The following TNS1 variants were observed in gnomAD, a reference collection of about 807,000 sequenced individuals.
TNS1 encodes tensin 1, also known as tensin-1.
TNS1 carries 62 observed loss-of-function variants against 168.6 expected under a neutral mutation model. The ratio of observed to expected loss-of-function variants is 0.37; its 90% CI spans 0.30 to 0.45. The LOEUF (loss-of-function observed/expected upper bound fraction) is 0.45, where lower values mean the gene tolerates loss of function less well. Among genes scored for constraint, TNS1 ranks in the 20% least tolerant of loss-of-function variants. The pLI is 1.00. For synonymous variants in TNS1, 934 were observed against 933.2 expected (o/e 1.00, Z -0.02); for missense variants, 2,240 against 2,339.4 (o/e 0.96, Z 0.88).
At chr2:217,963,574 G>T (rs1277658396) in intron 3 of TNS1, among the ~76,000 whole-genome samples, 4 of 152,042 alleles carry the variant, frequency 2.6e-5, no homozygotes, top group African/African-American at 7.3e-5. Context: ...AAACAAATCG[G>T]CTCTAATGTA....
Position 217,905,240 on chromosome 2 carries a change from G to T in TNS1, c.321+1095C>A, listed in dbSNP as rs79691187. Reference sequence around the variant, plus strand: ...CCAGTCCCAGAAACATCACAAAGCGGGACAAGGGCCCCTCCCCAGTATGAG... The same window carrying T: ...CCAGTCCCAGAAACATCACAAAGCGTGACAAGGGCCCCTCCCCAGTATGAG... On this transcript the variant is annotated intron_variant, in intron 6 of 32. Transcript: ENST00000682258. The T allele has an allele frequency of 1.3e-3, 364 of 288,958 alleles. 7 individuals carry two copies. In the East Asian group the frequency reaches 0.034, roughly 27 times the overall value. 17.9% of individuals were successfully genotyped at this position (288,958 alleles called of 1,614,324 possible). A position where few individuals can be genotyped will look rare whatever the true frequency, so the allele number is the denominator to read the frequency against.
Position 217,813,364 on chromosome 2 carries a change from CCTCCCAAGACTG to C in TNS1, c.4862-69_4862-58del. 1 of 1,351,904 alleles carries C rather than the reference CCTCCCAAGACTG, an allele frequency of 7.4e-7. No homozygotes were observed. The allele number at this position is 1,351,904 out of a possible 1,614,324, so 83.7% of individuals were successfully genotyped here. On this transcript the variant is annotated intron_variant, in intron 26 of 32. Coordinates refer to ENST00000682258, the MANE Select transcript of TNS1 (RefSeq NM_001387777.1). This position sits in a 1 kb window ranked among gnomAD's most constrained non-coding sequence, Gnocchi z 4.0. ...CCCTGCCCATGGCTTCCTCCCACCA[CCTCCCAAGACTG>C]CTTCAAAACTTCCGCAGTGTGCGGG...
At chr2:217,826,791 C>A (rs1458405840) in intron 22 of TNS1, among the ~76,000 whole-genome samples, 2 of 152,206 alleles carry the variant, frequency 1.3e-5, no homozygotes. Context: ...CCAAACCCTG[C>A]CAAGTGGCTG....
At chr2:217,921,698 A>G (rs1955713364) in intron 3 of TNS1, among the ~76,000 whole-genome samples, 1 of 152,174 alleles carries the variant, frequency 6.6e-6, no homozygotes, top group South Asian at 2.1e-4. Context: ...TCTTTGCTCC[A>G]CAGAATTCTA....
chr2:217,825,483 G>T (rs909448156), intron 22 of TNS1, among the ~76,000 whole-genome samples: 4 of 152,146 alleles, frequency 2.6e-5, no homozygotes, highest in African/African-American at 9.7e-5. Flanking sequence ...ACTGTCCTAG[G>T]TTGCTCCATT....
chr2:217,979,688 C>T (rs947756190), intron 2 of TNS1, among the ~76,000 whole-genome samples: 3 of 152,124 alleles, frequency 2.0e-5, no homozygotes, highest in African/African-American at 7.2e-5. Context: ...GGTGACCTCC[C>T]TGCAGATCTC....
intron 3 of TNS1, among the ~76,000 whole-genome samples, chr2:217,947,070 A>G (rs964732761): frequency 1.3e-5 from 2 of 151,472 alleles, no homozygotes; most frequent in African/African-American, 4.9e-5. Context: ...CAAGCCCCTG[A>G]GGACCAGGGT....
In TNS1 at chr2:217,821,739, C is replaced by T; in HGVS notation, c.3572+1G>A. ...CCACCCACTGCCCCTTCCCGGCTTA[C>T]CTGTCAGCACTGAGGATGGGGCTGC... On this transcript the variant is annotated splice_donor_variant, in intron 23 of 32. Coordinates refer to ENST00000682258, the MANE Select transcript of TNS1 (RefSeq NM_001387777.1). LOFTEE classifies it high-confidence loss of function. 6.9e-7 allele frequency: 1 copy of T among 1,449,496 alleles called. No homozygotes were observed. The highest frequency in any genetic ancestry group is 9.1e-7 in the Non-Finnish European group (1 of 1,102,866). The allele number at this position is 1,449,496 out of a possible 1,614,324, so 89.8% of individuals were successfully genotyped here.
upstream of TNS1, among the ~76,000 whole-genome samples, chr2:218,011,336 G>C (rs1005817916): frequency 6.6e-6 from 1 of 152,188 alleles, no homozygotes; most frequent in African/African-American, 2.4e-5. Flanking sequence ...AAGGCAGAGA[G>C]AGGCAGGCAG....
intron 4 of TNS1, 51 bp from the exon 5 acceptor site, chr2:217,907,302 G>A (rs1323907484): frequency 1.4e-6 from 1 of 702,340 alleles, no homozygotes; most frequent in East Asian, 2.7e-5. Context: ...ACATCCCAGG[G>A]ATGGGCTCTC....
chr2:217,996,458 T>A (rs1415293942), intron 1 of TNS1, among the ~76,000 whole-genome samples: 4 of 151,940 alleles, frequency 2.6e-5, no homozygotes, highest in Non-Finnish European at 4.4e-5. Flanking sequence ...GCACCTCAAA[T>A]CCCAGCTTCC....
rs1346967062 is a variant in TNS1, at chr2:217,800,049, A to C, written c.*4410T>G. The C allele has an allele frequency of 6.6e-6, 1 of 152,152 alleles. No individual in the cohort carries two copies. Among genetic ancestry groups the C allele is most frequent in the African/African-American group, 2.4e-5 (1 of 41,400 alleles). The allele number at this position is 152,152 out of a possible 1,614,324, so 9.4% of individuals were successfully genotyped here. A position where few individuals can be genotyped will look rare whatever the true frequency, so the allele number is the denominator to read the frequency against. ...TTGTTTCCCCCGCAGAGGGCCTGGG[A>C]GGCAGGGAGGGTGGTGGGAAGGGAT... On this transcript the variant is annotated 3_prime_UTR_variant, in exon 33 of 33. Transcript: ENST00000682258.
chr2:217,942,188 G>A (rs1161171145), intron 3 of TNS1, among the ~76,000 whole-genome samples: 2 of 152,144 alleles, frequency 1.3e-5, no homozygotes, highest in Non-Finnish European at 2.9e-5. Flanking sequence ...AAGGCCAGGC[G>A]CCTGGAAGCA....
chr2:217,895,280 GCT>G (rs1373775260), intron 8 of TNS1, among the ~76,000 whole-genome samples: 2 of 152,130 alleles, frequency 1.3e-5, no homozygotes, highest in Non-Finnish European at 2.9e-5. Context: ...GCCTGCTCTC[GCT>G]CTCTCTCCCC....
intron 18 of TNS1, among the ~76,000 whole-genome samples, chr2:217,857,201 C>T (rs974969592): frequency 6.6e-6 from 1 of 152,184 alleles, no homozygotes; most frequent in Non-Finnish European, 1.5e-5. Context: ...CTCCAGGGCC[C>T]GGGAGGTTGG....
chr2:217,969,708 T>C (rs1431121567), intron 3 of TNS1, among the ~76,000 whole-genome samples: 2 of 152,044 alleles, frequency 1.3e-5, no homozygotes, highest in African/African-American at 4.8e-5. Flanking sequence ...ATCAGGGAAA[T>C]CAAATCAAAA....
chr2:217,893,400 GCACA>G lies in TNS1; in HGVS notation c.717+35_717+38del, dbSNP rs55877465. The G allele has an allele frequency of 2.6e-3, 3,839 of 1,456,570 alleles. 1 individual carries two copies. The highest frequency in any genetic ancestry group is 0.01 in the African/African-American group (709 of 68,456). 90.2% of individuals were successfully genotyped at this position (1,456,570 alleles called of 1,614,324 possible). On this transcript the variant is annotated intron_variant, in intron 10 of 32. Coordinates refer to ENST00000682258, the MANE Select transcript of TNS1 (RefSeq NM_001387777.1). ...CACACATGTGCGCATGTGCGCGCGC[GCACA>G]CACACACACACACACACACACACAC...
chr2:217,836,487 C>G (rs1044155004), intron 19 of TNS1, among the ~76,000 whole-genome samples: 3 of 152,156 alleles, frequency 2.0e-5, no homozygotes, highest in African/African-American at 7.2e-5. Context: ...AGGACTGATA[C>G]AAGAAACAGA....
rs1200721842 is a variant in TNS1, at chr2:218,032,059, G to A, written c.156+1761C>T. On this transcript the variant is annotated intron_variant, in intron 1 of 1. Transcript: ENST00000649572. This position sits in a 1 kb window ranked among gnomAD's most constrained non-coding sequence, Gnocchi z 4.0. ...AAGGCTTGGCTGGAGGACTCAGGAGGGTGCCAAGCCCCAACCTCTTGCTCC... is the reference window on the plus strand; with the variant it reads ...AAGGCTTGGCTGGAGGACTCAGGAGAGTGCCAAGCCCCAACCTCTTGCTCC... Among the ~76,000 whole-genome samples, 1 of 152,212 alleles carries A rather than the reference G, an allele frequency of 6.6e-6. No individual in the cohort carries two copies. Among genetic ancestry groups the A allele is most frequent in the East Asian group, 1.9e-4 (1 of 5,200 alleles).
Sources: gnomAD v4.1 joint callset for allele counts (sites outside exome capture counted in the v4.1 genomes callset) on GRCh38, gnomAD v4.1.1 for gene constraint, Gnocchi (gnomAD v3.1) non-coding constraint, MANE v1.5 for transcripts, NCBI Gene and HGNC (gene_info 2026-07-23, HGNC 2026-07-21) for gene names.